The following PPFIA4 variants were observed in gnomAD, a reference collection of about 807,000 sequenced individuals.
The protein encoded by PPFIA4 is liprin-alpha-4.
In PPFIA4, 98 loss-of-function variants were observed where a neutral mutation model predicts 145.7. The observed-to-expected ratio is 0.67, with a 90% CI of 0.57 to 0.80. The LOEUF is 0.80. Among genes scored for constraint, PPFIA4 ranks in the 30% least tolerant of loss-of-function variants. The probability of loss-of-function intolerance (pLI) is 0.00; values close to 1 mark genes in which losing one functional copy is unlikely to be tolerated. For missense variants in PPFIA4, 1,457 were observed against 1,632.7 expected (o/e 0.89, Z 1.85); for synonymous variants, 628 against 649.6 (o/e 0.97, Z 0.51).
chr1:203,074,501 A>AAAATGCTACT (rs1662384380), intron 28 of PPFIA4, among the ~76,000 whole-genome samples: 1 of 152,192 alleles, frequency 6.6e-6, no homozygotes, highest in Admixed American at 6.5e-5. Context: ...AATATATATA[A>AAAATGCTACT]AAATGCTACT....
chr1:203,054,237 T>C (rs755103575), intron 15 of PPFIA4: 13 of 640,058 alleles, frequency 2.0e-5, no homozygotes, highest in Non-Finnish European at 3.7e-5. Flanking sequence ...CTGCAGCTGA[T>C]CTTAACCACT....
At chr1:203,047,424 T>C (rs1249475017) in intron 9 of PPFIA4, among the ~76,000 whole-genome samples, 1 of 152,180 alleles carries the variant, frequency 6.6e-6, no homozygotes. Flanking sequence ...TCAGCCTTAG[T>C]GTCTCCCAAA....
rs781000145 is a variant in PPFIA4, at chr1:203,061,081, T to C, written c.2847+49T>C. On this transcript the variant is annotated intron_variant, in intron 23 of 29. Transcript: ENST00000295706. ...TCCCTGGGCCTGGGGTTGGGACTGA[T>C]ACTCCCATGAGGATGAGGGGAAGGC... The C allele has an allele frequency of 5.2e-6, 8 of 1,547,032 alleles. No homozygotes were observed. The South Asian group carries it at 7.8e-5, about 15-fold the overall frequency.
At position 203,039,237 on chromosome 1, in the gene PPFIA4, C is replaced by T; in HGVS notation, c.229C>T (p.Pro77Ser). ...CCAGCGCCACCTTAACTCCGCCCTCCCCCAGGTAAGGCCCGAAGGCCTGCG... is the reference window on the plus strand; with the variant it reads ...CCAGCGCCACCTTAACTCCGCCCTCTCCCAGGTAAGGCCCGAAGGCCTGCG... ...QLQRHLNSAL[P>S]QEFATLTREL... Residue 77 changes from proline (P) to serine (S), a missense_variant, in exon 2 of 30, where the codon CCC becomes TCC. Physicochemically the swap from Pro to Ser is moderately conservative, Grantham distance 74 (BLOSUM62 -1). Around this residue, in one of 3 missense-constraint regions of PPFIA4, gnomAD observed 463 missense variants for 459.8 expected, o/e 1.01. Transcript: ENST00000295706. The T allele has an allele frequency of 1.3e-6, 2 of 1,583,320 alleles. No homozygotes were observed. The highest frequency in any genetic ancestry group is 1.7e-6 in the Non-Finnish European group (2 of 1,166,028).
chr1:203,076,164 C>T (rs1662527015), intron 29 of PPFIA4, 177 bp from the exon 30 acceptor site: 2 of 697,496 alleles, frequency 2.9e-6, no homozygotes, highest in Non-Finnish European at 4.8e-6. Context: ...CTGGCCCTGC[C>T]GCTCCAGTCC....
chr1:203,058,409 T>G (rs12563163), intron 19 of PPFIA4, among the ~76,000 whole-genome samples: 3 of 151,894 alleles, frequency 2.0e-5, no homozygotes, highest in Admixed American at 6.5e-5. Flanking sequence ...TCCACAGGGG[T>G]GAGGGGAGTT....
At chr1:203,026,990 C>T (rs953826565) in intron 1 of PPFIA4, among the ~76,000 whole-genome samples, 1 of 152,242 alleles carries the variant, frequency 6.6e-6, no homozygotes, top group Admixed American at 6.5e-5. Context: ...AAGCGCCTCT[C>T]GGCTCCGGGG....
At chr1:203,073,843 G>T (rs1662335973) in intron 28 of PPFIA4, among the ~76,000 whole-genome samples, 3 of 152,066 alleles carry the variant, frequency 2.0e-5, no homozygotes, top group Admixed American at 2.0e-4. Flanking sequence ...TCTGGGCTAG[G>T]GTAAGAGCAG....
At chr1:203,039,361 C>A in intron 2 of PPFIA4, 119 bp downstream of exon 2, 1 of 719,952 alleles carries the variant, frequency 1.4e-6, no homozygotes, top group Non-Finnish European at 2.2e-6. Flanking sequence ...ATTCACTGAG[C>A]ATTTACTCTC....
chr1:203,039,943 A>G (rs1259404602), intron 2 of PPFIA4, among the ~76,000 whole-genome samples: 1 of 152,204 alleles, frequency 6.6e-6, no homozygotes, highest in Admixed American at 6.5e-5. Flanking sequence ...GGAGGCAGGA[A>G]CTGAGCCTGG....
At chr1:203,049,833 TC>T (rs1660369621) in intron 13 of PPFIA4, 66 bp downstream of exon 13, 2 of 1,347,826 alleles carry the variant, frequency 1.5e-6, no homozygotes. Context: ...GAAGGAGACT[TC>T]CTTCCAACAA....
chr1:203,035,707 C>T, intron 1 of PPFIA4: 1 of 455,672 alleles, frequency 2.2e-6, no homozygotes, highest in South Asian at 1.6e-5. Flanking sequence ...GATAATTGCG[C>T]TATTTAAAGA....
At position 203,045,371 on chromosome 1, in the gene PPFIA4, G is replaced by T; in HGVS notation, c.670G>T (p.Asp224Tyr). Residue 224 changes from aspartate (D) to tyrosine (Y), a missense_variant, in exon 7 of 30, where the codon GAT becomes TAT. Around this residue, in one of 3 missense-constraint regions of PPFIA4, gnomAD observed 463 missense variants for 459.8 expected, o/e 1.01. Coordinates refer to ENST00000295706, the MANE Select transcript of PPFIA4 (RefSeq NM_001304331.2). ...ELGPKRLWKE[D>Y]TGRVEELQEL... The stretch of plus-strand genomic sequence containing the variant: ...GCTACTGTCCCTATCCCTGGAGGAG[G>T]ATACGGGCCGGGTAGAGGAGCTGCA... The T allele has an allele frequency of 6.3e-7, 1 of 1,592,578 alleles. No individual in the cohort carries two copies. The highest frequency in any genetic ancestry group is 8.5e-7 in the Non-Finnish European group (1 of 1,170,132).
At chr1:203,045,669 C>G in intron 7 of PPFIA4, 110 bp downstream of exon 7, 1 of 1,451,462 alleles carries the variant, frequency 6.9e-7, no homozygotes, top group South Asian at 1.4e-5. Flanking sequence ...TTGCCTGGCT[C>G]CATTGTTGGG....
rs867233526 is a variant in PPFIA4 at position 203,053,929 on chromosome 1, G to A, written c.1797G>A (p.Gln599=). The change falls in exon 15 of 30, where the codon CAG becomes CAA. Residue 599 remains glutamine (Q), a synonymous_variant. Coordinates refer to ENST00000295706, the MANE Select transcript of PPFIA4 (RefSeq NM_001304331.2). The part of the protein sequence containing the change: ...SDAQTLAMML[Q]EQLDAINEEI... The stretch of plus-strand genomic sequence containing the variant: ...CCCAGACCCTGGCCATGATGCTGCA[G>A]GAGCAGCTGGATGCCATCAATGAGG... The A allele has an allele frequency of 6.4e-7, 1 of 1,566,842 alleles. No homozygotes were observed. Among genetic ancestry groups the A allele is most frequent in the Middle Eastern group, 1.7e-4 (1 of 6,006 alleles).
chr1:203,046,827 T>C (rs1253803707), intron 9 of PPFIA4, among the ~76,000 whole-genome samples: 2 of 152,160 alleles, frequency 1.3e-5, no homozygotes, highest in Non-Finnish European at 2.9e-5. Flanking sequence ...GTTGAGTACA[T>C]CTTTGATTGC....
Position 203,043,927 on chromosome 1 carries a change from C to A in PPFIA4, c.337-4C>A, listed in dbSNP as rs541749829. Reference sequence around the variant, plus strand: ...CTCTCACCCTCCCCTGCTCTCCCTGCCAGCTGCTTCTGGAACATCTGGAGT... The same window carrying A: ...CTCTCACCCTCCCCTGCTCTCCCTGACAGCTGCTTCTGGAACATCTGGAGT... On this transcript the variant is annotated splice_polypyrimidine_tract_variant and splice_region_variant and intron_variant, in intron 3 of 29. Coordinates refer to ENST00000295706, the MANE Select transcript of PPFIA4 (RefSeq NM_001304331.2). The surrounding 1 kb of genome is among the most constrained non-coding windows in gnomAD (Gnocchi z 4.4). 7.5e-6 allele frequency: 12 copies of A among 1,595,140 alleles called. No homozygotes were observed. The East Asian group carries it at 1.1e-4, about 15-fold the overall frequency.
rs758958367 is a variant in PPFIA4, at chr1:203,075,646, C to CGCG, written c.3469_3471dup (p.Gly1157dup). The CGCG allele has an allele frequency of 1.3e-6, 2 of 1,503,132 alleles. No homozygotes were observed. Among genetic ancestry groups the CGCG allele is most frequent in the South Asian group, 2.6e-5 (2 of 77,582 alleles). 93.1% of individuals were successfully genotyped at this position (1,503,132 alleles called of 1,614,324 possible). A position where few individuals can be genotyped will look rare whatever the true frequency, so the allele number is the denominator to read the frequency against. On this transcript the variant is annotated inframe_insertion, in exon 29 of 30. Coordinates refer to ENST00000295706, the MANE Select transcript of PPFIA4 (RefSeq NM_001304331.2). The surrounding 1 kb of genome is among the most constrained non-coding windows in gnomAD (Gnocchi z 4.1). Reference sequence around the variant, plus strand: ...CTTCCGGCCGCGGGAGCACCACGGTCGCGGCGGCATGCTCAGCGCTTCCGC... The same window carrying CGCG: ...CTTCCGGCCGCGGGAGCACCACGGTCGCGGCGGCGGCATGCTCAGCGCTTCCGC...
At position 203,048,692 on chromosome 1, in the gene PPFIA4, G is replaced by A. The variant is rs1488832191; in HGVS notation, c.1334G>A (p.Arg445His). The A allele has an allele frequency of 4.3e-6, 7 of 1,610,790 alleles. No individual in the cohort carries two copies. The highest frequency in any genetic ancestry group is 5.9e-6 in the Non-Finnish European group (7 of 1,179,222). ...CGTCTGCAGCTCCACCTGAAGGAGC[G>A]CATGGCTGCCCTGGAGGAGAAGGTG... is the stretch of plus-strand genomic sequence containing the variant. ...NERLQLHLKERMAALEEKNTL... is the reference protein window; with the variant it reads ...NERLQLHLKEHMAALEEKNTL... The change falls in exon 11 of 30, where the codon CGC becomes CAC. Residue 445 changes from arginine (R) to histidine (H), a missense_variant. By Grantham distance (29) the Arg-to-His change is conservative. Transcript: ENST00000295706. The surrounding 1 kb of genome is among the most constrained non-coding windows in gnomAD (Gnocchi z 5.8).
Sources: gnomAD v4.1 joint callset for allele counts (sites outside exome capture counted in the v4.1 genomes callset) on GRCh38, gnomAD v4.1.1 for gene constraint, gnomAD v4.1.1 regional missense constraint, Gnocchi (gnomAD v3.1) non-coding constraint, MANE v1.5 for transcripts, NCBI Gene and HGNC (gene_info 2026-07-23, HGNC 2026-07-21) for gene names.